The following ATF7IP variants were observed in gnomAD, a reference collection of about 807,000 sequenced individuals.
ATF7IP encodes activating transcription factor 7 interacting protein, also known as activating transcription factor 7-interacting protein 1.
ATF7IP carries 23 observed loss-of-function variants against 106.4 expected under a neutral mutation model. That is an observed-to-expected ratio of 0.22 (90% CI 0.16 to 0.31). The LOEUF (loss-of-function observed/expected upper bound fraction) is 0.31. Among genes scored for constraint, ATF7IP ranks in the 10% least tolerant of loss-of-function variants. The pLI is 1.00. For missense variants in ATF7IP, 1,334 were observed against 1,524.3 expected (o/e 0.88, Z 2.08); for synonymous variants, 542 against 539.0 (o/e 1.01, Z -0.08).
chr12:14,406,517 C>T (rs988339916), intron 1 of ATF7IP, among the ~76,000 whole-genome samples: 6 of 150,872 alleles, frequency 4.0e-5, no homozygotes, highest in Admixed American at 4.0e-4. Context: ...AAGTTAAGAA[C>T]TATTTTAAGA....
chr12:14,424,774 C>T lies in ATF7IP; in HGVS notation c.859C>T (p.Arg287Cys), dbSNP rs146013763. The T allele has an allele frequency of 2.4e-5, 39 of 1,614,040 alleles. No homozygotes were observed. The highest frequency in any genetic ancestry group is 2.0e-4 in the Admixed American group (12 of 60,010). ...DELTSESTFD[R>C]TFEPKSVPVC... ...GCTGACTTCTGAATCAACCTTTGATCGTACCTTTGAACCAAAGTCTGTACC... is the reference window on the plus strand; with the variant it reads ...GCTGACTTCTGAATCAACCTTTGATTGTACCTTTGAACCAAAGTCTGTACC... The change falls in exon 2 of 15, where the codon CGT becomes TGT. Residue 287 changes from arginine (R) to cysteine (C), a missense_variant. Arg to Cys is a radical substitution (Grantham distance 180). This residue lies in a region of ATF7IP where 438 missense variants were observed against 405.3 expected (regional missense o/e 1.08). Transcript: ENST00000261168.
intron 1 of ATF7IP, among the ~76,000 whole-genome samples, chr12:14,376,332 A>G (rs1026824887): frequency 1.3e-5 from 2 of 152,224 alleles, no homozygotes; most frequent in Non-Finnish European, 2.9e-5. Flanking sequence ...CTTGAAATCA[A>G]GCTCCAGCCT....
chr12:14,424,262 A>C lies in ATF7IP; in HGVS notation c.347A>C (p.Asn116Thr), dbSNP rs1203345034. The C allele has an allele frequency of 1.2e-6, 2 of 1,614,104 alleles. No homozygotes were observed. Among genetic ancestry groups the C allele is most frequent in the African/African-American group, 2.7e-5 (2 of 74,946 alleles). The change falls in exon 2 of 15, where the codon AAT becomes ACT. Residue 116 changes from asparagine to threonine, a missense_variant. Asn to Thr is a moderately conservative substitution (Grantham distance 65, BLOSUM62 0). Coordinates refer to ENST00000261168, the MANE Select transcript of ATF7IP (RefSeq NM_018179.5). Reference protein sequence around the residue: ...DLNCEPLSPHNITPEPVSKLP... With the variant: ...DLNCEPLSPHTITPEPVSKLP... ...AATTGTGAACCTTTGTCTCCCCATAATATAACTCCAGAACCAGTCTCTAAA... is the reference window on the plus strand; with the variant it reads ...AATTGTGAACCTTTGTCTCCCCATACTATAACTCCAGAACCAGTCTCTAAA...
chr12:14,464,992 G>C (rs768175468), intron 9 of ATF7IP, among the ~76,000 whole-genome samples: 1 of 152,172 alleles, frequency 6.6e-6, no homozygotes, highest in Non-Finnish European at 1.5e-5. Flanking sequence ...GAAGCAGGTG[G>C]ATCACTTGAG....
At position 14,425,431 on chromosome 12, in the gene ATF7IP, G is replaced by A; in HGVS notation, c.1516G>A (p.Asp506Asn). 3 of 1,593,472 alleles carry A rather than the reference G, an allele frequency of 1.9e-6. No homozygotes were observed. Among genetic ancestry groups the A allele is most frequent in the Non-Finnish European group, 2.6e-6 (3 of 1,173,118 alleles). ...SDEEDISGEK[D>N]ESEVISQNET... ...TGAAGAGGATATTTCGGGTGAAAAA[G>A]ATGAGTCTGAAGTTATATCGCAAAA... Residue 506 changes from aspartate (D) to asparagine (N), a missense_variant, in exon 2 of 15, where the codon GAT becomes AAT. By Grantham distance (23) the Asp-to-Asn change is conservative. Coordinates refer to ENST00000261168, the MANE Select transcript of ATF7IP (RefSeq NM_018179.5).
intron 8 of ATF7IP, among the ~76,000 whole-genome samples, chr12:14,458,283 A>C (rs1485355713): frequency 6.6e-6 from 1 of 152,206 alleles, no homozygotes; most frequent in African/African-American, 2.4e-5. Flanking sequence ...TAAGACAGCT[A>C]AAGATAGCTT....
chr12:14,378,357 C>G (rs1047303881), intron 1 of ATF7IP, among the ~76,000 whole-genome samples: 2 of 152,156 alleles, frequency 1.3e-5, no homozygotes, highest in Non-Finnish European at 2.9e-5. Context: ...CTCGGCCTCC[C>G]AAAGTGCTGG....
At chr12:14,495,012 A>G (rs1030542686) in intron 13 of ATF7IP, among the ~76,000 whole-genome samples, 48 of 152,244 alleles carry the variant, frequency 3.2e-4, no homozygotes, top group African/African-American at 1.2e-3. Flanking sequence ...CTGAGTCCCA[A>G]AACTGAAGAA....
chr12:14,388,385 C>T (rs894534333), intron 1 of ATF7IP, among the ~76,000 whole-genome samples: 2 of 148,702 alleles, frequency 1.3e-5, no homozygotes, highest in African/African-American at 5.0e-5. Flanking sequence ...CTCACTCTGT[C>T]GCTGAGGCTG....
intron 1 of ATF7IP, among the ~76,000 whole-genome samples, chr12:14,402,127 C>T (rs1039551351): frequency 3.3e-4 from 34 of 101,794 alleles, no homozygotes; most frequent in Admixed American, 4.7e-4. Flanking sequence ...TTTCTTCTTT[C>T]TTTTTTTTTT....
chr12:14,444,107 T>C (rs553399219), intron 5 of ATF7IP, among the ~76,000 whole-genome samples: 2 of 152,322 alleles, frequency 1.3e-5, no homozygotes, highest in East Asian at 3.9e-4. Flanking sequence ...TTCAACTAGA[T>C]TTCTTACAGA....
intron 6 of ATF7IP, among the ~76,000 whole-genome samples, chr12:14,452,599 A>G (rs990698108): frequency 3.9e-5 from 6 of 152,182 alleles, no homozygotes; most frequent in Non-Finnish European, 7.4e-5. Context: ...CTTTAATCAT[A>G]TAAGAGCGCT....
At chr12:14,442,595 G>A (rs577965354) in intron 5 of ATF7IP, among the ~76,000 whole-genome samples, 5 of 152,260 alleles carry the variant, frequency 3.3e-5, no homozygotes, top group South Asian at 2.1e-4. Context: ...TTCTTACTGC[G>A]TATTTCAGAA....
In ATF7IP at chr12:14,496,326, C is replaced by A; in HGVS notation, c.3376C>A (p.Pro1126Thr). The change falls in exon 14 of 15, where the codon CCA (proline) becomes ACA (threonine). Residue 1126 changes from proline to threonine, a missense_variant. By Grantham distance (38) the Pro-to-Thr change is conservative. Around this residue, in one of 10 missense-constraint regions of ATF7IP, gnomAD observed 370 missense variants for 401.2 expected, o/e 0.92. Transcript: ENST00000261168. The part of the protein sequence containing the change: ...TGPQLTVHHR[P>T]PQVHTEPPRP... The stretch of plus-strand genomic sequence containing the variant: ...ACCTCAGCTCACAGTGCATCACCGA[C>A]CACCACAAGTGCATACTGTAAGTGT... The A allele has an allele frequency of 6.2e-7, 1 of 1,613,016 alleles. No individual in the cohort carries two copies. Among genetic ancestry groups the A allele is most frequent in the Non-Finnish European group, 8.5e-7 (1 of 1,179,130 alleles).
At chr12:14,490,602 G>A (rs570330335) in intron 13 of ATF7IP, among the ~76,000 whole-genome samples, 8 of 152,192 alleles carry the variant, frequency 5.3e-5, no homozygotes, top group South Asian at 4.2e-4. Flanking sequence ...TGTACTTGCC[G>A]GTGGTGCCTG....
chr12:14,480,995 T>C lies in ATF7IP; in HGVS notation c.3098-8T>C. 6.2e-7 allele frequency: 1 copy of C among 1,612,728 alleles called. No homozygotes were observed. The highest frequency in any genetic ancestry group is 1.1e-5 in the South Asian group (1 of 90,918). ...GTATTCTTAATATCTTTTTCTGCCT[T>C]GCATTAGCTCCAACTACCGTGAATG... On this transcript the variant is annotated splice_region_variant and splice_polypyrimidine_tract_variant and intron_variant, in intron 12 of 14. Transcript: ENST00000261168.
chr12:14,416,787 CA>C, intron 1 of ATF7IP: 1 of 361,244 alleles, frequency 2.8e-6, no homozygotes, highest in Non-Finnish European at 3.9e-6. Flanking sequence ...AGGTTTGTGA[CA>C]CTGATGTCTG....
At chr12:14,459,269 C>G (rs1023367678) in intron 8 of ATF7IP, among the ~76,000 whole-genome samples, 5 of 152,130 alleles carry the variant, frequency 3.3e-5, no homozygotes, top group Non-Finnish European at 5.9e-5. Context: ...GAGTTTACAG[C>G]TCAATTGCAC....
rs201295438 is a variant in ATF7IP, at chr12:14,460,572, T to G, written c.2236T>G (p.Ser746Ala). 25 of 1,614,184 alleles carry G rather than the reference T, an allele frequency of 1.5e-5. No individual in the cohort carries two copies. The East Asian group carries it at 5.3e-4, about 35-fold the overall frequency. The change falls in exon 9 of 15, where the codon TCC becomes GCC. Residue 746 changes from serine to alanine, a missense_variant. Ser to Ala is a moderately conservative substitution (Grantham distance 99, BLOSUM62 1). Transcript: ENST00000261168. Reference sequence around the variant, plus strand: ...ATTGCAGACTCCAGTGACTTCGGGTTCCCTCACAGCAACGTCAGTTCTTCC... The same window carrying G: ...ATTGCAGACTCCAGTGACTTCGGGTGCCCTCACAGCAACGTCAGTTCTTCC... The part of the protein sequence containing the change: ...PKLQTPVTSG[S>A]LTATSVLPAP...
Sources: gnomAD v4.1 joint callset for allele counts (sites outside exome capture counted in the v4.1 genomes callset) on GRCh38, gnomAD v4.1.1 for gene constraint, gnomAD v4.1.1 regional missense constraint, MANE v1.5 for transcripts, NCBI Gene and HGNC (gene_info 2026-07-23, HGNC 2026-07-21) for gene names.